Variants in NDST4 observed in about 807,000 individuals in gnomAD.
The protein encoded by NDST4 is N-deacetylase and N-sulfotransferase 4.
In NDST4, 63 loss-of-function variants were observed where a neutral mutation model predicts 100.8. The ratio of observed to expected loss-of-function variants is 0.62; its 90% CI spans 0.51 to 0.77. NDST4 has a LOEUF of 0.77. Ranked by LOEUF, NDST4 falls within the 30% of genes least tolerant of loss-of-function variation. The pLI is 0.00. For missense variants in NDST4, 943 were observed against 1,018.4 expected (o/e 0.93, Z 1.01); for synonymous variants, 377 against 361.8 (o/e 1.04, Z -0.48).
At chr4:115,029,446 T>C (rs575572550) in intron 2 of NDST4, among the ~76,000 whole-genome samples, 25 of 152,238 alleles carry the variant, frequency 1.6e-4, no homozygotes, top group African/African-American at 5.3e-4. Context: ...TAAGTAAGTC[T>C]AGATTGGAAC....
chr4:115,004,531 G>T (rs1727370875), intron 2 of NDST4, among the ~76,000 whole-genome samples: 1 of 152,226 alleles, frequency 6.6e-6, no homozygotes, highest in East Asian at 1.9e-4. Flanking sequence ...CTGAGCTGCG[G>T]CTGAGAAAAA....
chr4:114,909,531 G>C (rs1725020405), intron 6 of NDST4, among the ~76,000 whole-genome samples: 1 of 150,566 alleles, frequency 6.6e-6, no homozygotes, highest in Admixed American at 6.6e-5. Flanking sequence ...GCGGTGGCGG[G>C]CGCCTGTAGT....
intron 2 of NDST4, among the ~76,000 whole-genome samples, chr4:115,000,626 T>G (rs1411863917): frequency 6.6e-6 from 1 of 152,138 alleles, no homozygotes. Flanking sequence ...TCCATAATCC[T>G]TGATATGACA....
At chr4:115,021,973 T>C (rs1727839726) in intron 2 of NDST4, among the ~76,000 whole-genome samples, 1 of 152,144 alleles carries the variant, frequency 6.6e-6, no homozygotes, top group African/African-American at 2.4e-5. Context: ...ACATTCCATA[T>C]ATATGTTCCA....
At chr4:114,876,675 C>G (rs1032976908) in intron 6 of NDST4, among the ~76,000 whole-genome samples, 1 of 152,094 alleles carries the variant, frequency 6.6e-6, no homozygotes, top group African/African-American at 2.4e-5. Flanking sequence ...TTTGTCCAAA[C>G]CTAATATAAC....
chr4:115,068,935 G>A (rs1729012602), intron 2 of NDST4, among the ~76,000 whole-genome samples: 1 of 151,828 alleles, frequency 6.6e-6, no homozygotes, highest in South Asian at 2.1e-4. Context: ...TTAATCATTT[G>A]TAAGGTTGTG....
chr4:115,074,321 A>G (rs746727600), intron 2 of NDST4, among the ~76,000 whole-genome samples: 2 of 152,050 alleles, frequency 1.3e-5, no homozygotes, highest in African/African-American at 2.4e-5. Flanking sequence ...TCATTTAGAC[A>G]TATAAAGAAC....
chr4:114,987,196 C>T (rs1225729589), intron 2 of NDST4, among the ~76,000 whole-genome samples: 4 of 151,930 alleles, frequency 2.6e-5, no homozygotes, highest in African/African-American at 9.7e-5. Flanking sequence ...ACGACATAAA[C>T]AAAATAATCA....
intron 4 of NDST4, among the ~76,000 whole-genome samples, chr4:114,952,191 A>C (rs1726006340): frequency 1.3e-5 from 2 of 152,194 alleles, no homozygotes; most frequent in Non-Finnish European, 2.9e-5. Context: ...TATCCAGAAA[A>C]GACAGATGTA....
At chr4:115,099,474 A>T (rs1183636441) in intron 1 of NDST4, among the ~76,000 whole-genome samples, 1 of 152,182 alleles carries the variant, frequency 6.6e-6, no homozygotes, top group Non-Finnish European at 1.5e-5. Context: ...ATAGTAGAAA[A>T]ACAACCCAAT....
At chr4:115,084,648 C>T (rs1311517034) in intron 1 of NDST4, among the ~76,000 whole-genome samples, 1 of 152,218 alleles carries the variant, frequency 6.6e-6, no homozygotes, top group Non-Finnish European at 1.5e-5. Flanking sequence ...CAACATATAG[C>T]TCTGACTGTT....
chr4:114,846,593 G>A (rs1723554337), intron 9 of NDST4, among the ~76,000 whole-genome samples: 2 of 152,224 alleles, frequency 1.3e-5, no homozygotes, highest in South Asian at 2.1e-4. Context: ...ATCCTGTGGT[G>A]CCTCAGTAGG....
intron 2 of NDST4, among the ~76,000 whole-genome samples, chr4:115,046,083 G>A (rs1728459307): frequency 6.6e-6 from 1 of 152,104 alleles, no homozygotes; most frequent in African/African-American, 2.4e-5. Flanking sequence ...TTATTGCCCT[G>A]GTAGTTACAC....
At chr4:114,929,074 G>GTCCGTCCATCCATCCATCCA (rs1560816975) in intron 6 of NDST4, among the ~76,000 whole-genome samples, 9 of 120,626 alleles carry the variant, frequency 7.5e-5, no homozygotes, top group East Asian at 5.5e-4. Flanking sequence ...CCGTCCGTCC[G>GTCCGTCCATCCATCCATCCA]TCCATCCATC....
At chr4:114,972,031 C>G (rs1340738760) in intron 3 of NDST4, among the ~76,000 whole-genome samples, 1 of 117,782 alleles carries the variant, frequency 8.5e-6, no homozygotes, top group East Asian at 2.5e-4. Flanking sequence ...TTTGAATATA[C>G]CTTAAAAATT....
At position 115,020,320 on chromosome 4, in the gene NDST4, T is replaced by C. The variant is rs571137839; in HGVS notation, c.979-43046A>G. On this transcript the variant is annotated intron_variant, in intron 2 of 13. Coordinates refer to ENST00000264363, the MANE Select transcript of NDST4 (RefSeq NM_022569.3). ...TGGAGTAAAAGACATCCTTGTTATATAGTTGCGGATAATTTGGGTTAATTG... is the reference window on the plus strand; with the variant it reads ...TGGAGTAAAAGACATCCTTGTTATACAGTTGCGGATAATTTGGGTTAATTG... Among the ~76,000 whole-genome samples the C allele has an allele frequency of 9.3e-4, 141 of 152,248 alleles. 2 individuals carry two copies. The South Asian group carries it at 0.021, about 22-fold the overall frequency.
chr4:115,111,257 G>A (rs940367645), intron 1 of NDST4, among the ~76,000 whole-genome samples: 2 of 151,878 alleles, frequency 1.3e-5, no homozygotes, highest in African/African-American at 4.8e-5. Context: ...TATTGAGATT[G>A]AATTATGTTT....
intron 6 of NDST4, among the ~76,000 whole-genome samples, chr4:114,915,142 A>G (rs1273221493): frequency 1.3e-5 from 2 of 152,146 alleles, no homozygotes; most frequent in East Asian, 3.9e-4. Context: ...CTGAATTCAA[A>G]TGTTCTTACC....
intron 2 of NDST4, among the ~76,000 whole-genome samples, chr4:115,033,088 G>T (rs931139607): frequency 2.7e-5 from 4 of 146,556 alleles, no homozygotes; most frequent in Non-Finnish European, 4.5e-5. Context: ...TTGATAATCT[G>T]TCAATTAAGT....
Sources: gnomAD v4.1 joint callset for allele counts (sites outside exome capture counted in the v4.1 genomes callset) on GRCh38, gnomAD v4.1.1 for gene constraint, MANE v1.5 for transcripts, NCBI Gene and HGNC (gene_info 2026-07-23, HGNC 2026-07-21) for gene names.